PYGB: variants seen among roughly 807,000 people sequenced by gnomAD.
PYGB encodes the protein glycogen phosphorylase B, also known as glycogen phosphorylase, brain form.
PYGB carries 82 observed loss-of-function variants against 94.3 expected under a neutral mutation model. That is an observed-to-expected ratio of 0.87 (90% CI 0.73 to 1.04). The LOEUF (loss-of-function observed/expected upper bound fraction) is 1.04, where lower values mean the gene tolerates loss of function less well. PYGB is among the 50% of genes least tolerant of loss of function. The probability of loss-of-function intolerance (pLI) is 0.00; values close to 1 mark genes in which losing one functional copy is unlikely to be tolerated. For missense variants in PYGB, 1,132 were observed against 1,158.2 expected (o/e 0.98, Z 0.33); for synonymous variants, 488 against 479.1 (o/e 1.02, Z -0.24).
At chr20:25,284,322 C>G (rs1290170416) in intron 14 of PYGB, 71 bp downstream of exon 14, 5 of 1,561,990 alleles carry the variant, frequency 3.2e-6, no homozygotes, top group Non-Finnish European at 4.3e-6. Context: ...CAGCTGTGCA[C>G]AGACCCTGGG....
intron 1 of PYGB, among the ~76,000 whole-genome samples, chr20:25,258,528 C>G (rs1431343378): frequency 6.6e-6 from 1 of 152,266 alleles, no homozygotes. Flanking sequence ...GCATTCAGCC[C>G]TGGCCGCTGC....
intron 4 of PYGB, among the ~76,000 whole-genome samples, chr20:25,272,310 T>C (rs764620908): frequency 1.3e-4 from 20 of 152,318 alleles, no homozygotes; most frequent in Non-Finnish European, 2.4e-4. Flanking sequence ...AGAGATATCC[T>C]TGGGGTGGGA....
At chr20:25,265,761 A>T (rs2088212584) in intron 2 of PYGB, among the ~76,000 whole-genome samples, 1 of 151,658 alleles carries the variant, frequency 6.6e-6, no homozygotes, top group African/African-American at 2.4e-5. Flanking sequence ...CGCCCGGCTA[A>T]TTTTTTTGTA....
chr20:25,281,711 G>C (rs1568694203), intron 11 of PYGB, among the ~76,000 whole-genome samples: 1 of 152,216 alleles, frequency 6.6e-6, no homozygotes, highest in Non-Finnish European at 1.5e-5. Context: ...CTCAAGCCCT[G>C]AAGTCCTGCG....
Position 25,280,249 on chromosome 20 carries a change from A to T in PYGB, c.1093-17A>T, listed in dbSNP as rs779495231. The T allele has an allele frequency of 6.2e-7, 1 of 1,612,688 alleles. No homozygotes were observed. The highest frequency in any genetic ancestry group is 1.1e-5 in the South Asian group (1 of 90,998). ...TGTTTCTAAACAAACACATGGGAAC[A>T]TTCTCTAATGGCCTAGGCCTGGGAA... On this transcript the variant is annotated splice_polypyrimidine_tract_variant and intron_variant, in intron 9 of 19. Coordinates refer to ENST00000216962, the MANE Select transcript of PYGB (RefSeq NM_002862.4).
rs1203856280 is a variant in PYGB at position 25,295,645 on chromosome 20, AGGCAC to A, written c.2355_2359del (p.Ala786GlyfsTer28). On this transcript the variant is annotated frameshift_variant, in exon 19 of 20. Coordinates refer to ENST00000216962, the MANE Select transcript of PYGB (RefSeq NM_002862.4). LOFTEE classifies it high-confidence loss of function. ...GACTATGAAGCCTACATGCAGTGCC[AGGCAC>A]AGGTGGACCAGCTGTACCGGGTGAG... is the stretch of plus-strand genomic sequence containing the variant. The A allele has an allele frequency of 6.2e-7, 1 of 1,614,086 alleles. No homozygotes were observed. Among genetic ancestry groups the A allele is most frequent in the Non-Finnish European group, 8.5e-7 (1 of 1,179,988 alleles).
intron 1 of PYGB, among the ~76,000 whole-genome samples, chr20:25,249,923 C>T (rs1031171395): frequency 5.9e-5 from 9 of 151,592 alleles, no homozygotes; most frequent in Non-Finnish European, 1.3e-4. Flanking sequence ...GATCTCGGCT[C>T]AGTGCAACCT....
chr20:25,292,794 G>C (rs1360682456), intron 17 of PYGB, among the ~76,000 whole-genome samples, 181 bp downstream of exon 17: 1 of 152,206 alleles, frequency 6.6e-6, no homozygotes, highest in Non-Finnish European at 1.5e-5. Flanking sequence ...GGAATGGACG[G>C]GGTCCGGGCT....
At chr20:25,269,693 C>T (rs74673377) in intron 3 of PYGB, among the ~76,000 whole-genome samples, 69 of 152,288 alleles carry the variant, frequency 4.5e-4, no homozygotes, top group African/African-American at 1.7e-3. Context: ...CTGTGAGGTC[C>T]CTTTTCATCA....
At chr20:25,253,773 C>A (rs73341140) in intron 1 of PYGB, among the ~76,000 whole-genome samples, 18 of 152,118 alleles carry the variant, frequency 1.2e-4, no homozygotes, top group African/African-American at 4.1e-4. Context: ...TTCCTGTTGA[C>A]GCTTCATCCG....
chr20:25,284,744 T>G (rs2047401576), intron 14 of PYGB, among the ~76,000 whole-genome samples: 1 of 152,258 alleles, frequency 6.6e-6, no homozygotes, highest in Non-Finnish European at 1.5e-5. Context: ...TTATTTTAAA[T>G]TTAGTTATTA....
chr20:25,276,699 C>A lies in PYGB; in HGVS notation c.714C>A (p.Thr238=). 3 of 1,613,972 alleles carry A rather than the reference C, an allele frequency of 1.9e-6. No individual in the cohort carries two copies. Among genetic ancestry groups the A allele is most frequent in the Non-Finnish European group, 2.5e-6 (3 of 1,179,906 alleles). The change falls in exon 6 of 20, where the codon ACC becomes ACA. Residue 238 remains threonine (T), a synonymous_variant. Transcript: ENST00000216962. Reference sequence around the variant, plus strand: ...CAGTGCCCGGCTACAAGAACAACACCGTCAACACCATGCGGCTGTGGTCCG... The same window carrying A: ...CAGTGCCCGGCTACAAGAACAACACAGTCAACACCATGCGGCTGTGGTCCG... ...DTPVPGYKNN[T]VNTMRLWSAK... is the part of the protein sequence containing the mutation.
At chr20:25,281,259 C>T in intron 11 of PYGB, 147 bp downstream of exon 11, 5 of 1,139,610 alleles carry the variant, frequency 4.4e-6, no homozygotes, top group South Asian at 1.6e-5. Context: ...ACAGAGCTGC[C>T]CAGAACACCC....
intron 3 of PYGB, among the ~76,000 whole-genome samples, chr20:25,270,136 T>C (rs1350968355): frequency 1.3e-5 from 2 of 152,130 alleles, no homozygotes; most frequent in Non-Finnish European, 2.9e-5. Context: ...GCATTTTATT[T>C]TAGTTACTAG....
chr20:25,278,232 C>G, intron 7 of PYGB, 87 bp from the exon 8 acceptor site: 1 of 1,010,644 alleles, frequency 9.9e-7, no homozygotes, highest in Non-Finnish European at 1.3e-6. Context: ...CTTCTGCCTG[C>G]ACCTTTGAGC....
intron 15 of PYGB, among the ~76,000 whole-genome samples, chr20:25,288,773 C>T (rs1043897968): frequency 6.6e-6 from 1 of 152,138 alleles, no homozygotes; most frequent in Non-Finnish European, 1.5e-5. Context: ...TCTCTTTGTG[C>T]CCAGTGGGCA....
In PYGB at chr20:25,296,495, C is replaced by G. The variant is rs1335358365; in HGVS notation, c.2505C>G (p.Ile835Met). 1 of 1,613,692 alleles carries G rather than the reference C, an allele frequency of 6.2e-7. No homozygotes were observed. The highest frequency in any genetic ancestry group is 8.5e-7 in the Non-Finnish European group (1 of 1,179,954). ...GTGTGGAGCCCTCCGACCTGCAGAT[C>G]CCGCCCCCCAACATCCCCCGGGACT... Reference protein sequence around the residue: ...IWGVEPSDLQIPPPNIPRD With the variant: ...IWGVEPSDLQMPPPNIPRD The change falls in exon 20 of 20, where the codon ATC becomes ATG. Residue 835 changes from isoleucine to methionine, a missense_variant. Transcript: ENST00000216962.
intron 3 of PYGB, 23 bp from the exon 4 acceptor site, chr20:25,271,360 T>A: frequency 6.2e-7 from 1 of 1,610,434 alleles, no homozygotes. Context: ...TGATTCTGAC[T>A]GATTTGTGAT....
Position 25,294,629 on chromosome 20 carries a change from A to G in PYGB, c.2312+337A>G, listed in dbSNP as rs1298691288. 5.5e-6 allele frequency: 3 copies of G among 548,084 alleles called. No individual in the cohort carries two copies. The East Asian group carries it at 9.8e-5, about 18-fold the overall frequency. The allele number at this position is 548,084 out of a possible 1,614,324, so 34.0% of individuals were successfully genotyped here. On this transcript the variant is annotated intron_variant, in intron 18 of 19. Transcript: ENST00000216962. Reference sequence around the variant, plus strand: ...GTCCCAGCAGGCCAGTAGAGGGAGCATGGGCCCAAAACTCCCTGGGGTGGG... The same window carrying G: ...GTCCCAGCAGGCCAGTAGAGGGAGCGTGGGCCCAAAACTCCCTGGGGTGGG...
Sources: allele counts gnomAD v4.1 joint callset (sites outside exome capture counted in the v4.1 genomes callset), GRCh38; gene constraint gnomAD v4.1.1; transcripts MANE v1.5; gene names NCBI Gene and HGNC (gene_info 2026-07-23, HGNC 2026-07-21).